EPC1: variants seen among roughly 807,000 people sequenced by gnomAD.
The protein encoded by EPC1 is enhancer of polycomb 1.
Under a neutral mutation model 98.4 loss-of-function variants are expected in EPC1, and 12 were observed. The observed-to-expected ratio is 0.12, with a 90% CI of 0.08 to 0.20. The LOEUF (loss-of-function observed/expected upper bound fraction) is 0.20, where lower values mean the gene tolerates loss of function less well. EPC1 is among the 10% of genes least tolerant of loss of function. The pLI, the probability that EPC1 is intolerant of heterozygous loss-of-function variation, is 1.00. For synonymous variants in EPC1, 357 were observed against 363.9 expected, an observed-to-expected ratio of 0.98 and a Z score of 0.21; for missense variants, 729 against 990.5, an observed-to-expected ratio of 0.74 and a Z score of 3.54.
chr10:32,333,596 G>T (rs1837771242), intron 1 of EPC1, among the ~76,000 whole-genome samples: 1 of 152,062 alleles, frequency 6.6e-6, no homozygotes. Flanking sequence ...CAAATCCAGG[G>T]CACTGCCAGA....
chr10:32,331,612 T>C (rs1390919819), intron 1 of EPC1, among the ~76,000 whole-genome samples: 3 of 152,076 alleles, frequency 2.0e-5, no homozygotes, highest in Non-Finnish European at 4.4e-5. Flanking sequence ...AGATAACATA[T>C]AAACTATCCA....
At chr10:32,329,484 G>A (rs1444752885) in intron 1 of EPC1, among the ~76,000 whole-genome samples, 3 of 152,212 alleles carry the variant, frequency 2.0e-5, no homozygotes, top group Non-Finnish European at 4.4e-5. Flanking sequence ...TAAGAGGCAA[G>A]CACACAGATA....
chr10:32,344,398 T>C (rs1838607589), intron 1 of EPC1, among the ~76,000 whole-genome samples: 1 of 151,818 alleles, frequency 6.6e-6, no homozygotes, highest in South Asian at 2.1e-4. Flanking sequence ...AAACAGATAT[T>C]TGGAAAAGGC....
intron 6 of EPC1, among the ~76,000 whole-genome samples, chr10:32,288,324 T>C (rs1326101762): frequency 6.7e-6 from 1 of 148,158 alleles, no homozygotes; most frequent in Non-Finnish European, 1.5e-5. Flanking sequence ...TTTTTTTTTT[T>C]TTTTTTTTGA....
At chr10:32,311,291 C>T (rs1177054609) in intron 1 of EPC1, among the ~76,000 whole-genome samples, 2 of 144,870 alleles carry the variant, frequency 1.4e-5, no homozygotes, top group East Asian at 2.0e-4. Context: ...CCAGCCTGGG[C>T]GACAGAGCGA....
chr10:32,361,823 T>C (rs879021707), intron 1 of EPC1, among the ~76,000 whole-genome samples: 2 of 152,178 alleles, frequency 1.3e-5, no homozygotes, highest in African/African-American at 4.8e-5. Context: ...TCCCAGACAG[T>C]TAAGGCATTC....
At chr10:32,304,138 T>C (rs1564536085) in intron 2 of EPC1, among the ~76,000 whole-genome samples, 1 of 152,220 alleles carries the variant, frequency 6.6e-6, no homozygotes, top group Non-Finnish European at 1.5e-5. Flanking sequence ...AATATAGTAG[T>C]ACCTTTTGAC....
At chr10:32,294,079 T>A (rs955163179) in intron 2 of EPC1, among the ~76,000 whole-genome samples, 2 of 152,232 alleles carry the variant, frequency 1.3e-5, no homozygotes, top group African/African-American at 4.8e-5. Flanking sequence ...GCCATTTTTA[T>A]AGCTCAAAAA....
Position 32,305,819 on chromosome 10 carries a change from A to G in EPC1, c.266T>C (p.Ile89Thr). ...AESNIAYYES[I>T]YPGEFKMPKQ... Reference sequence around the variant, plus strand: ...TGGCATCTTAAATTCCCCAGGATATATAGACTCATAGTAAGCAATATTACT... The same window carrying G: ...TGGCATCTTAAATTCCCCAGGATATGTAGACTCATAGTAAGCAATATTACT... The change falls in exon 2 of 14, where the codon ATA becomes ACA. Residue 89 changes from isoleucine (I) to threonine (T), a missense_variant. Around this residue, in one of 6 missense-constraint regions of EPC1, gnomAD observed 94 missense variants for 125.1 expected, o/e 0.75. Transcript: ENST00000319778. 6.2e-7 allele frequency: 1 copy of G among 1,612,210 alleles called. No individual in the cohort carries two copies. The highest frequency in any genetic ancestry group is 1.1e-5 in the South Asian group (1 of 90,692).
intron 1 of EPC1, among the ~76,000 whole-genome samples, chr10:32,340,492 G>A (rs1838272328): frequency 6.6e-6 from 1 of 152,118 alleles, no homozygotes; most frequent in Non-Finnish European, 1.5e-5. Flanking sequence ...ATTTTCTACA[G>A]TTTATAAATG....
intron 1 of EPC1, among the ~76,000 whole-genome samples, chr10:32,355,276 G>A (rs1318504198): frequency 6.6e-6 from 1 of 152,148 alleles, no homozygotes; most frequent in African/African-American, 2.4e-5. Context: ...TGGGATGCGT[G>A]AACAGGAAAC....
intron 1 of EPC1, among the ~76,000 whole-genome samples, chr10:32,312,092 G>A (rs76951941): frequency 7.4e-4 from 113 of 152,284 alleles, no homozygotes; most frequent in African/African-American, 2.6e-3. Flanking sequence ...AGCCTGAGAC[G>A]AGGAGACCAC....
intron 1 of EPC1, among the ~76,000 whole-genome samples, chr10:32,371,558 C>T (rs1564570387): frequency 6.6e-6 from 1 of 152,126 alleles, no homozygotes; most frequent in East Asian, 1.9e-4. Flanking sequence ...ATTAATGACT[C>T]GTTGGCAAAT....
intron 1 of EPC1, among the ~76,000 whole-genome samples, chr10:32,340,635 G>A (rs1330209464): frequency 6.6e-6 from 1 of 152,130 alleles, no homozygotes; most frequent in Non-Finnish European, 1.5e-5. Flanking sequence ...TTTGAGAACA[G>A]CCCAGGCAAC....
In EPC1 at chr10:32,332,283, G is replaced by A. The variant is rs138124182; in HGVS notation, c.153+14480C>T. On this transcript the variant is annotated intron_variant, in intron 1 of 13. Transcript: ENST00000319778. ...GCATTTGGGGTAAAGGACAGTATAAGTAAAGGCAGAAGTAAGAGACAGCAT... is the reference window on the plus strand; with the variant it reads ...GCATTTGGGGTAAAGGACAGTATAAATAAAGGCAGAAGTAAGAGACAGCAT... Among the ~76,000 whole-genome samples the A allele has an allele frequency of 9.6e-4, 146 of 152,290 alleles. 3 individuals are homozygous for A. Among genetic ancestry groups the A allele is most frequent in the Admixed American group, 6.9e-3 (106 of 15,294 alleles).
In EPC1 at chr10:32,365,887, G is replaced by A. The variant is rs987856751; in HGVS notation, c.3+12604C>T. The stretch of plus-strand genomic sequence containing the variant: ...AATGGCTCAAACATGTAATCCCAGC[G>A]CTTTGGGGGGCCGAGATGGGTGGAT... On this transcript the variant is annotated intron_variant, in intron 1 of 13. Coordinates refer to the EPC1 transcript ENST00000375110. 7.6e-5 allele frequency among the ~76,000 whole-genome samples: 10 copies of A among 132,378 alleles called. No homozygotes were observed. In the East Asian group the frequency reaches 9.5e-4, roughly 13 times the overall value. 86.8% of individuals were successfully genotyped at this position (132,378 alleles called of 152,430 possible).
chr10:32,295,720 TA>T (rs1835113545), intron 2 of EPC1, among the ~76,000 whole-genome samples: 1 of 152,208 alleles, frequency 6.6e-6, no homozygotes. Flanking sequence ...ACTGAATTTA[TA>T]TTAATTAAAT....
chr10:32,304,093 A>G (rs1243537077), intron 2 of EPC1, among the ~76,000 whole-genome samples: 1 of 152,230 alleles, frequency 6.6e-6, no homozygotes, highest in Non-Finnish European at 1.5e-5. Flanking sequence ...ATTTATTAAT[A>G]TTTGATTATA....
At chr10:32,354,172 A>G (rs1216773038) in intron 1 of EPC1, among the ~76,000 whole-genome samples, 1 of 152,254 alleles carries the variant, frequency 6.6e-6, no homozygotes, top group African/African-American at 2.4e-5. Flanking sequence ...AAGAGAATAA[A>G]GGGCAAATTA....
Sources: allele counts gnomAD v4.1 joint callset (sites outside exome capture counted in the v4.1 genomes callset), GRCh38; gene constraint gnomAD v4.1.1; regional missense constraint gnomAD v4.1.1; transcripts MANE v1.5; gene names NCBI Gene and HGNC (gene_info 2026-07-23, HGNC 2026-07-21).